The following MYO16 variants were observed in gnomAD, a reference collection of about 807,000 sequenced individuals.
MYO16 encodes the protein myosin XVI.
MYO16 carries 94 observed loss-of-function variants against 205.3 expected under a neutral mutation model. That is an observed-to-expected ratio of 0.46 (90% CI 0.39 to 0.54). The LOEUF is 0.54. Ranked by LOEUF, MYO16 falls within the 20% of genes least tolerant of loss-of-function variation. The pLI, the probability that MYO16 is intolerant of heterozygous loss-of-function variation, is 0.00. For synonymous variants in MYO16, 988 were observed against 954.0 expected, an observed-to-expected ratio of 1.04 and a Z score of -0.66; for missense variants, 2,315 against 2,387.5, an observed-to-expected ratio of 0.97 and a Z score of 0.63.
intron 32 of MYO16, among the ~76,000 whole-genome samples, chr13:109,151,947 C>T (rs1454649584): frequency 7.2e-5 from 11 of 152,144 alleles, no homozygotes; most frequent in Admixed American, 5.2e-4. Flanking sequence ...TGGAGGGGGT[C>T]AGACTGGCTT....
At chr13:108,536,134 T>C in the MYO16 span, among the ~76,000 whole-genome samples, 12 of 152,164 alleles carry the variant, frequency 7.9e-5, no homozygotes, top group African/African-American at 2.9e-4. Context: ...TTGGAATATA[T>C]AGTGTAGGCT....
At chr13:108,526,811 T>G in the MYO16 span, among the ~76,000 whole-genome samples, 2 of 152,196 alleles carry the variant, frequency 1.3e-5, no homozygotes. Context: ...GGTCACTACA[T>G]CTGCTGATTC....
Position 108,851,970 on chromosome 13 carries a change from T to C in MYO16, c.1249-3473T>C, listed in dbSNP as rs541520214. The stretch of plus-strand genomic sequence containing the variant: ...ACCTCCTCCACGCCAGGGCATGTTC[T>C]AGGGCCTCCCACACACCCATCTCCT... On this transcript the variant is annotated intron_variant, in intron 10 of 34. Transcript: ENST00000457511. 4.6e-5 allele frequency among the ~76,000 whole-genome samples: 7 copies of C among 152,242 alleles called. No individual in the cohort carries two copies. In the South Asian group the frequency reaches 1.2e-3, roughly 27 times the overall value.
chr13:109,047,377 G>A (rs1887081473), intron 24 of MYO16, among the ~76,000 whole-genome samples: 1 of 152,010 alleles, frequency 6.6e-6, no homozygotes, highest in South Asian at 2.1e-4. Context: ...ACTAAGGGTG[G>A]TATTTTATTC....
At chr13:108,772,522 T>C (rs1886000266) in intron 4 of MYO16, among the ~76,000 whole-genome samples, 3 of 151,970 alleles carry the variant, frequency 2.0e-5, no homozygotes, top group Admixed American at 6.6e-5. Flanking sequence ...AGGTATGTGG[T>C]GTTGAAGGAG....
chr13:108,974,982 GACTTT>G (rs1007533027), intron 20 of MYO16, among the ~76,000 whole-genome samples: 1 of 152,106 alleles, frequency 6.6e-6, no homozygotes, highest in African/African-American at 2.4e-5. Flanking sequence ...CACTTATGAA[GACTTT>G]ACCTAGCATC....
chr13:108,898,712 G>A (rs1313176850), intron 15 of MYO16, among the ~76,000 whole-genome samples: 1 of 151,724 alleles, frequency 6.6e-6, no homozygotes, highest in Non-Finnish European at 1.5e-5. Context: ...CTAAACCCAA[G>A]CAGACACTGT....
intron 10 of MYO16, among the ~76,000 whole-genome samples, chr13:108,849,894 T>G: frequency 2.0e-5 from 3 of 148,902 alleles, no homozygotes; most frequent in Non-Finnish European, 1.5e-5. Flanking sequence ...CTCTTTTTTT[T>G]TTTTTAACTC....
chr13:108,730,554 T>C (rs1884487641), intron 4 of MYO16, among the ~76,000 whole-genome samples: 1 of 152,168 alleles, frequency 6.6e-6, no homozygotes, highest in African/African-American at 2.4e-5. Context: ...GACTGGTATC[T>C]GGCGTAACAA....
intron 2 of MYO16, among the ~76,000 whole-genome samples, chr13:108,709,970 C>T (rs1225187320): frequency 7.7e-6 from 1 of 129,506 alleles, no homozygotes; most frequent in African/African-American, 2.9e-5. Context: ...CCTTTTCTCA[C>T]TAGGATGATG....
At chr13:108,654,495 TCC>T (rs1327205684) in intron 1 of MYO16, among the ~76,000 whole-genome samples, 1 of 152,148 alleles carries the variant, frequency 6.6e-6, no homozygotes, top group Non-Finnish European at 1.5e-5. Context: ...CTCTTTTCCT[TCC>T]CAGTCTTGGA....
chr13:108,507,922 C>G, the MYO16 span, among the ~76,000 whole-genome samples: 2 of 151,730 alleles, frequency 1.3e-5, no homozygotes, highest in African/African-American at 4.8e-5. Flanking sequence ...TTGGCCAAGT[C>G]TGTTGAACAT....
Position 108,911,664 on chromosome 13 carries a change from A to G in MYO16, c.1925+1514A>G, listed in dbSNP as rs184435774. ...AGTGATTGGGGGTTTTGAGTATGCA[A>G]GAGAATTGGTTTTCACTTCGAAGGT... On this transcript the variant is annotated intron_variant, in intron 16 of 34. Transcript: ENST00000457511. Among the ~76,000 whole-genome samples the G allele has an allele frequency of 4.6e-5, 7 of 152,302 alleles. No homozygotes were observed. The East Asian group carries it at 9.7e-4, about 21-fold the overall frequency.
chr13:109,023,415 G>T, intron 23 of MYO16, among the ~76,000 whole-genome samples: 3 of 72,450 alleles, frequency 4.1e-5, no homozygotes, highest in African/African-American at 6.3e-5. Flanking sequence ...ATATTATACA[G>T]ATATAAATAT....
chr13:109,204,802 T>C (rs1374863900), intron 34 of MYO16, among the ~76,000 whole-genome samples: 1 of 152,168 alleles, frequency 6.6e-6, no homozygotes, highest in African/African-American at 2.4e-5. Context: ...TGTTTCCTGA[T>C]CTGCAACATA....
At chr13:109,022,717 A>T (rs1486813538) in intron 23 of MYO16, among the ~76,000 whole-genome samples, 1 of 61,944 alleles carries the variant, frequency 1.6e-5, no homozygotes, top group African/African-American at 4.5e-5. Context: ...ATATATACGC[A>T]TATAAACATA....
chr13:108,906,869 C>T (rs1397670828), intron 15 of MYO16, among the ~76,000 whole-genome samples: 4 of 152,110 alleles, frequency 2.6e-5, no homozygotes, highest in South Asian at 2.1e-4. Context: ...GAGTAGGATC[C>T]GTCATTTGAC....
chr13:108,731,241 G>T (rs1884512861), intron 4 of MYO16, among the ~76,000 whole-genome samples: 2 of 152,182 alleles, frequency 1.3e-5, no homozygotes, highest in South Asian at 4.1e-4. Context: ...TTAAAACGGT[G>T]CCTAGCACTT....
At chr13:108,676,242 C>G (rs910919240) in intron 2 of MYO16, among the ~76,000 whole-genome samples, 6 of 151,936 alleles carry the variant, frequency 3.9e-5, no homozygotes, top group South Asian at 4.2e-4. Context: ...CTGATGTAAA[C>G]AAGATAATGA....
Sources: gnomAD v4.1 joint callset for allele counts (sites outside exome capture counted in the v4.1 genomes callset) on GRCh38, gnomAD v4.1.1 for gene constraint, MANE v1.5 for transcripts, NCBI Gene and HGNC (gene_info 2026-07-23, HGNC 2026-07-21) for gene names.